The following LYN variants were observed in gnomAD, a reference collection of about 807,000 sequenced individuals.
The protein encoded by LYN is tyrosine-protein kinase Lyn.
A neutral mutation model predicts 65.0 loss-of-function variants in LYN; 12 were observed. That is an observed-to-expected ratio of 0.18 (90% CI 0.12 to 0.30). LYN has a LOEUF of 0.30. Ranked by LOEUF, LYN falls within the 10% of genes least tolerant of loss-of-function variation. LYN has a pLI of 1.00. For missense variants in LYN, 380 were observed against 623.2 expected (o/e 0.61, Z 4.16); for synonymous variants, 222 against 221.2 (o/e 1.00, Z -0.03).
chr8:55,901,791 T>G (rs749097175), intron 1 of LYN, among the ~76,000 whole-genome samples: 5 of 152,168 alleles, frequency 3.3e-5, no homozygotes, highest in Non-Finnish European at 2.9e-5. Flanking sequence ...CCCAGCTGAA[T>G]AGCTTGTGCT....
rs556840969 is a variant in LYN, at chr8:55,929,158, T to C, written c.-5-12697T>C. 5.3e-5 allele frequency among the ~76,000 whole-genome samples: 8 copies of C among 152,358 alleles called. No individual in the cohort carries two copies. The East Asian group carries it at 1.3e-3, about 26-fold the overall frequency. On this transcript the variant is annotated intron_variant, in intron 1 of 12. Coordinates refer to ENST00000519728, the MANE Select transcript of LYN (RefSeq NM_002350.4). ...TCTATTCATATGTACTGAGTCTTTTTGTTACTTTCAGTGAAGATAAAATCT... is the reference window on the plus strand; with the variant it reads ...TCTATTCATATGTACTGAGTCTTTTCGTTACTTTCAGTGAAGATAAAATCT...
At chr8:55,922,374 G>A (rs1381630964) in intron 1 of LYN, among the ~76,000 whole-genome samples, 1 of 152,066 alleles carries the variant, frequency 6.6e-6, no homozygotes, top group East Asian at 1.9e-4. Flanking sequence ...ATAGGCATGA[G>A]CCACCACACC....
Position 56,010,463 on chromosome 8 carries a change from G to A in LYN, c.*353G>A, listed in dbSNP as rs1808782844. 1 of 311,452 alleles carries A rather than the reference G, an allele frequency of 3.2e-6. No homozygotes were observed. The highest frequency in any genetic ancestry group is 6.1e-6 in the Non-Finnish European group (1 of 164,002). 19.3% of individuals were successfully genotyped at this position (311,452 alleles called of 1,614,324 possible). A position where few individuals can be genotyped will look rare whatever the true frequency, so the allele number is the denominator to read the frequency against. On this transcript the variant is annotated 3_prime_UTR_variant, in exon 13 of 13. Coordinates refer to ENST00000519728, the MANE Select transcript of LYN (RefSeq NM_002350.4). ...TGGACATAGGACTCAAAGTTTCAGAGACCATTGCAATGAATCCCCAATAAT... is the reference window on the plus strand; with the variant it reads ...TGGACATAGGACTCAAAGTTTCAGAAACCATTGCAATGAATCCCCAATAAT...
chr8:55,990,588 G>T (rs972507988), intron 10 of LYN, among the ~76,000 whole-genome samples: 5 of 152,182 alleles, frequency 3.3e-5, no homozygotes, highest in African/African-American at 1.2e-4. Context: ...AAAATACTTT[G>T]ATCTTCTTTA....
intron 8 of LYN, among the ~76,000 whole-genome samples, chr8:55,960,825 G>A (rs1807250869): frequency 1.3e-5 from 2 of 152,248 alleles, no homozygotes; most frequent in Non-Finnish European, 2.9e-5. Flanking sequence ...ACAAATACTA[G>A]GAAGTGACCT....
intron 10 of LYN, among the ~76,000 whole-genome samples, chr8:55,985,574 C>A (rs1403401605): frequency 6.6e-6 from 1 of 152,154 alleles, no homozygotes; most frequent in African/African-American, 2.4e-5. Flanking sequence ...TACAGGAATT[C>A]TTTTCAGAAT....
At position 56,012,046 on chromosome 8, in the gene LYN, A is replaced by G. The variant is rs577891141; in HGVS notation, c.*1936A>G. 1 of 190,896 alleles carries G rather than the reference A, an allele frequency of 5.2e-6. No individual in the cohort carries two copies. The highest frequency in any genetic ancestry group is 1.1e-5 in the Non-Finnish European group (1 of 91,208). The allele number at this position is 190,896 out of a possible 1,614,324, so 11.8% of individuals were successfully genotyped here. ...ATCTTCGCCTTGTTTTGCTTCTCCC[A>G]GTTCCTCCTCTTCTTGCCATTTTCC... On this transcript the variant is annotated 3_prime_UTR_variant, in exon 13 of 13. Coordinates refer to ENST00000519728, the MANE Select transcript of LYN (RefSeq NM_002350.4).
At chr8:55,970,696 C>T (rs938256915) in intron 10 of LYN, among the ~76,000 whole-genome samples, 1 of 151,952 alleles carries the variant, frequency 6.6e-6, no homozygotes, top group African/African-American at 2.4e-5. Flanking sequence ...TGCATGAGTA[C>T]AGAGGTGAAG....
Position 55,941,882 on chromosome 8 carries a change from G to A in LYN, c.23G>A (p.Gly8Glu), listed in dbSNP as rs1320979570. The change falls in exon 2 of 13, where the codon GGG (glycine) becomes GAG (glutamate). Residue 8 changes from glycine to glutamate, a missense_variant. By Grantham distance (98) the Gly-to-Glu change is moderately conservative. Around this residue, in one of 2 missense-constraint regions of LYN, gnomAD observed 157 missense variants for 193.2 expected, o/e 0.81. Coordinates refer to ENST00000519728, the MANE Select transcript of LYN (RefSeq NM_002350.4). MGCIKSKGKDSLSDDGVD... is the reference protein window; with the variant it reads MGCIKSKEKDSLSDDGVD... ...AATATGGGATGTATAAAATCAAAAG[G>A]GAAAGACAGCTTGAGTGACGATGGA... 6.2e-7 allele frequency: 1 copy of A among 1,612,936 alleles called. No individual in the cohort carries two copies. Among genetic ancestry groups the A allele is most frequent in the East Asian group, 2.2e-5 (1 of 44,854 alleles).
Position 55,962,917 on chromosome 8 carries a change from G to A in LYN, c.791-3798G>A, listed in dbSNP as rs541096052. On this transcript the variant is annotated intron_variant, in intron 8 of 12. Coordinates refer to ENST00000519728, the MANE Select transcript of LYN (RefSeq NM_002350.4). ...TGAGCATGTCACACAGTGAGAGCAAGAGAGTGACCAGAAGAGGTGCCATGC... is the reference window on the plus strand; with the variant it reads ...TGAGCATGTCACACAGTGAGAGCAAAAGAGTGACCAGAAGAGGTGCCATGC... Among the ~76,000 whole-genome samples the A allele has an allele frequency of 7.9e-5, 12 of 152,336 alleles. No individual in the cohort carries two copies. In the South Asian group the frequency reaches 2.5e-3, roughly 32 times the overall value.
At chr8:56,003,209 G>A (rs1193388667) in intron 12 of LYN, among the ~76,000 whole-genome samples, 5 of 150,832 alleles carry the variant, frequency 3.3e-5, no homozygotes, top group Non-Finnish European at 5.9e-5. Context: ...ACAGGTGCCC[G>A]CCACCACGCC....
intron 1 of LYN, among the ~76,000 whole-genome samples, chr8:55,904,719 C>T (rs975205777): frequency 3.3e-5 from 5 of 151,916 alleles, no homozygotes; most frequent in South Asian, 4.2e-4. Flanking sequence ...CACTGCTCTC[C>T]AGCCTTGTAA....
At chr8:55,908,955 C>CT (rs1292148497) in intron 1 of LYN, among the ~76,000 whole-genome samples, 6 of 133,066 alleles carry the variant, frequency 4.5e-5, no homozygotes, top group Non-Finnish European at 9.6e-5. Flanking sequence ...TAATTTTATT[C>CT]TTTTTTGTGG....
At chr8:55,953,794 T>C (rs746673798) in intron 7 of LYN, 38 bp from the exon 8 acceptor site, 12 of 1,605,888 alleles carry the variant, frequency 7.5e-6, no homozygotes, top group East Asian at 6.7e-5. Context: ...GTACAAAGTA[T>C]TGCATTTCTT....
chr8:55,889,960 T>C (rs939787697), intron 1 of LYN, among the ~76,000 whole-genome samples: 3 of 151,346 alleles, frequency 2.0e-5, no homozygotes, highest in African/African-American at 7.3e-5. Flanking sequence ...GGCTAAATGG[T>C]AGTCATTGGT....
chr8:55,964,033 C>T (rs1807367540), intron 8 of LYN, among the ~76,000 whole-genome samples: 1 of 152,040 alleles, frequency 6.6e-6, no homozygotes, highest in Non-Finnish European at 1.5e-5. Flanking sequence ...CTCTTAAGAT[C>T]TACAGAAAAG....
intron 6 of LYN, 96 bp downstream of exon 6, chr8:55,950,880 G>T (rs7829420): frequency 2.5e-6 from 2 of 813,806 alleles, no homozygotes; most frequent in East Asian, 5.0e-5. Flanking sequence ...AGGGCATATA[G>T]TATGCTCTGG....
At chr8:55,945,731 C>T (rs1029702932) in intron 2 of LYN, among the ~76,000 whole-genome samples, 1 of 146,922 alleles carries the variant, frequency 6.8e-6, no homozygotes, top group Non-Finnish European at 1.5e-5. Context: ...CAATAACTCA[C>T]CCCCCCACTG....
intron 1 of LYN, among the ~76,000 whole-genome samples, chr8:55,924,456 G>T (rs2130439160): frequency 6.6e-6 from 1 of 151,756 alleles, no homozygotes; most frequent in East Asian, 1.9e-4. Context: ...TCCATCTCCT[G>T]GGTTCAAGTA....
Sources: allele counts gnomAD v4.1 joint callset (sites outside exome capture counted in the v4.1 genomes callset), GRCh38; gene constraint gnomAD v4.1.1; regional missense constraint gnomAD v4.1.1; transcripts MANE v1.5; gene names NCBI Gene and HGNC (gene_info 2026-07-23, HGNC 2026-07-21).